CRADD: variants seen among roughly 807,000 people sequenced by gnomAD.
CRADD encodes the protein CARD and death domain containing adaptor protein.
A neutral mutation model predicts 15.5 loss-of-function variants in CRADD; 9 were observed. That is an observed-to-expected ratio of 0.58 (90% CI 0.35 to 1.01). CRADD has a LOEUF of 1.01. Ranked by LOEUF, CRADD falls within the 50% of genes least tolerant of loss-of-function variation. The pLI is 0.02. For missense variants in CRADD, 227 were observed against 250.3 expected, an observed-to-expected ratio of 0.91 and a Z score of 0.63; for synonymous variants, 118 against 107.6, an observed-to-expected ratio of 1.10 and a Z score of -0.60.
chr12:93,843,585 T>C (rs1958076005), intron 2 of CRADD, among the ~76,000 whole-genome samples: 1 of 151,920 alleles, frequency 6.6e-6, no homozygotes, highest in Non-Finnish European at 1.5e-5. Flanking sequence ...TCAGCATGTA[T>C]GCCAGGCTGG....
In CRADD at chr12:93,777,016, G is replaced by A. The variant is rs114366701; in HGVS notation, c.299-72954G>A. Among the ~76,000 whole-genome samples, 440 of 152,286 alleles carry A rather than the reference G, an allele frequency of 2.9e-3. 4 individuals carry two copies. Among genetic ancestry groups the A allele is most frequent in the African/African-American group, 9.5e-3 (396 of 41,532 alleles). On this transcript the variant is annotated intron_variant, in intron 2 of 2. Transcript: ENST00000332896. ...CCACTGAATTGCATACTTTAAATGG[G>A]TGAATTTTACAATATGTGAATTTTA...
At chr12:93,894,355 A>G (rs1158703727) in exon 3 of CRADD, 1 of 547,034 alleles carries the variant, frequency 1.8e-6, no homozygotes, top group East Asian at 3.2e-5. Context: ...GATGGCCCCT[A>G]ACAAAGAAGT....
chr12:93,698,592 G>C (rs1955768748), intron 2 of CRADD, among the ~76,000 whole-genome samples: 1 of 152,082 alleles, frequency 6.6e-6, no homozygotes, highest in South Asian at 2.1e-4. Context: ...GTTTCAAAGT[G>C]TTTCACTAGA....
At chr12:93,750,595 T>G (rs1222763723) in intron 2 of CRADD, among the ~76,000 whole-genome samples, 6 of 152,214 alleles carry the variant, frequency 3.9e-5, no homozygotes, top group Admixed American at 2.0e-4. Context: ...TAGAATCTTA[T>G]TCCAGTATTT....
chr12:93,801,852 T>C (rs551557608), intron 2 of CRADD, among the ~76,000 whole-genome samples: 157 of 152,250 alleles, frequency 1.0e-3, no homozygotes, highest in Admixed American at 1.8e-3. Context: ...CCTCACCCCC[T>C]CCCATCCGGC....
chr12:93,720,895 C>T (rs577150660), intron 2 of CRADD, among the ~76,000 whole-genome samples: 1 of 152,244 alleles, frequency 6.6e-6, no homozygotes, highest in African/African-American at 2.4e-5. Flanking sequence ...TGTGTTTAGA[C>T]CATTGGCATT....
chr12:93,759,149 T>C (rs1167814398), intron 2 of CRADD, among the ~76,000 whole-genome samples: 4 of 152,178 alleles, frequency 2.6e-5, no homozygotes, highest in Non-Finnish European at 5.9e-5. Context: ...ATTTGCTATG[T>C]TATAAATGTT....
At chr12:93,852,936 G>C (rs1958240898), downstream of CRADD, among the ~76,000 whole-genome samples, 1 of 151,300 alleles carries the variant, frequency 6.6e-6, no homozygotes. Context: ...TCAACATGAA[G>C]TACATGTTTA....
chr12:93,738,347 C>T, intron 2 of CRADD: 1 of 702,116 alleles, frequency 1.4e-6, no homozygotes, highest in East Asian at 2.7e-5. Context: ...CTTTTTGAAG[C>T]CTGTTGACAA....
intron 2 of CRADD, among the ~76,000 whole-genome samples, chr12:93,826,113 T>C (rs1377336794): frequency 3.3e-5 from 5 of 152,240 alleles, no homozygotes; most frequent in African/African-American, 1.2e-4. Context: ...GCCAGAGATA[T>C]TCTTTGTAAC....
At chr12:93,767,980 A>C (rs150956075) in intron 2 of CRADD, among the ~76,000 whole-genome samples, 12 of 152,390 alleles carry the variant, frequency 7.9e-5, no homozygotes, top group African/African-American at 2.9e-4. Context: ...AAGTATATAC[A>C]TTGGAAACAC....
intron 2 of CRADD, among the ~76,000 whole-genome samples, chr12:93,734,301 T>A (rs1956525347): frequency 6.6e-6 from 1 of 152,222 alleles, no homozygotes; most frequent in Non-Finnish European, 1.5e-5. Context: ...TATTATTTCA[T>A]TTGCTTTTTA....
intron 2 of CRADD, among the ~76,000 whole-genome samples, chr12:93,691,250 GT>G (rs1565873110): frequency 7.7e-6 from 1 of 130,620 alleles, no homozygotes; most frequent in East Asian, 2.7e-4. Context: ...ATTTTCTTTT[GT>G]TTTCTTTTTT....
intron 2 of CRADD, among the ~76,000 whole-genome samples, chr12:93,886,400 A>G (rs1958537921): frequency 6.6e-6 from 1 of 152,098 alleles, no homozygotes; most frequent in African/African-American, 2.4e-5. Flanking sequence ...AGCTCAAGCG[A>G]TCTGTCCGCC....
chr12:93,820,625 G>T (rs1253031432), intron 2 of CRADD, among the ~76,000 whole-genome samples: 1 of 152,086 alleles, frequency 6.6e-6, no homozygotes, highest in Non-Finnish European at 1.5e-5. Context: ...ATGCAGCCCA[G>T]GGGCCAGATT....
chr12:93,794,170 C>T (rs1449903404), intron 2 of CRADD, among the ~76,000 whole-genome samples: 1 of 152,070 alleles, frequency 6.6e-6, no homozygotes, highest in African/African-American at 2.4e-5. Context: ...TGCTGGTTTC[C>T]AACAGCTGAC....
chr12:93,871,209 G>T (rs1958415972), intron 2 of CRADD, among the ~76,000 whole-genome samples: 1 of 151,960 alleles, frequency 6.6e-6, no homozygotes, highest in Admixed American at 6.6e-5. Flanking sequence ...TGATATAGTG[G>T]GTGTTTCTCT....
chr12:93,807,443 C>T (rs1021378657), intron 2 of CRADD, among the ~76,000 whole-genome samples: 1 of 152,012 alleles, frequency 6.6e-6, no homozygotes, highest in Admixed American at 6.6e-5. Context: ...GTCTCAGTCC[C>T]CTTAATTCTT....
intron 2 of CRADD, among the ~76,000 whole-genome samples, chr12:93,741,876 T>C (rs1956672321): frequency 6.6e-6 from 1 of 152,170 alleles, no homozygotes; most frequent in African/African-American, 2.4e-5. Context: ...CTGTGCTCTT[T>C]CTAGGCTCTT....
Sources: gnomAD v4.1 joint callset for allele counts (sites outside exome capture counted in the v4.1 genomes callset) on GRCh38, gnomAD v4.1.1 for gene constraint, MANE v1.5 for transcripts, NCBI Gene and HGNC (gene_info 2026-07-23, HGNC 2026-07-21) for gene names.